SKAP1: variants seen among roughly 807,000 people sequenced by gnomAD.
SKAP1 encodes the protein src kinase associated phosphoprotein 1, also known as src kinase-associated phosphoprotein 1.
In SKAP1, 44 loss-of-function variants were observed where a neutral mutation model predicts 58.5. The ratio of observed to expected loss-of-function variants is 0.75; its 90% CI spans 0.59 to 0.97. The LOEUF (loss-of-function observed/expected upper bound fraction) is 0.97. SKAP1 is among the 50% of genes least tolerant of loss of function. The probability of loss-of-function intolerance (pLI) is 0.00; values close to 1 mark genes in which losing one functional copy is unlikely to be tolerated. For synonymous variants in SKAP1, 127 were observed against 149.7 expected, an observed-to-expected ratio of 0.85 and a Z score of 1.11; for missense variants, 390 against 435.2, an observed-to-expected ratio of 0.90 and a Z score of 0.92.
chr17:48,367,795 G>A (rs2067028930), intron 2 of SKAP1, among the ~76,000 whole-genome samples: 1 of 151,230 alleles, frequency 6.6e-6, no homozygotes, highest in South Asian at 2.1e-4. Context: ...GCACATGCTA[G>A]TCCTAGCTAC....
intron 11 of SKAP1, among the ~76,000 whole-genome samples, chr17:48,153,215 T>C (rs1290679440): frequency 6.6e-6 from 1 of 152,174 alleles, no homozygotes; most frequent in Admixed American, 6.5e-5. Context: ...GCAGGATGGG[T>C]TGATGAGCAA....
chr17:48,371,238 C>A (rs918084579), intron 2 of SKAP1, among the ~76,000 whole-genome samples: 1 of 152,036 alleles, frequency 6.6e-6, no homozygotes, highest in African/African-American at 2.4e-5. Flanking sequence ...ACACTATATA[C>A]CCTGTAACAA....
At chr17:48,370,315 TA>T (rs1267103817) in intron 2 of SKAP1, among the ~76,000 whole-genome samples, 1 of 152,152 alleles carries the variant, frequency 6.6e-6, no homozygotes, top group African/African-American at 2.4e-5. Context: ...ATTATTATTA[TA>T]TTTTTTTGAA....
At chr17:48,155,251 C>T (rs1567796289) in intron 11 of SKAP1, among the ~76,000 whole-genome samples, 1 of 151,220 alleles carries the variant, frequency 6.6e-6, no homozygotes, top group Non-Finnish European at 1.5e-5. Context: ...CCTCAGCTTC[C>T]CTAGTAGCTG....
chr17:48,238,829 T>C lies in SKAP1; in HGVS notation c.281-49329A>G, dbSNP rs897405514. Among the ~76,000 whole-genome samples, 3 of 152,318 alleles carry C rather than the reference T, an allele frequency of 2.0e-5. No individual in the cohort carries two copies. In the East Asian group the frequency reaches 5.8e-4, roughly 29 times the overall value. On this transcript the variant is annotated intron_variant, in intron 4 of 12. Coordinates refer to ENST00000336915, the MANE Select transcript of SKAP1 (RefSeq NM_003726.4). ...TCCTTGTCACACTTTATTTTTAAGA[T>C]GACTCAGAGAAACAGTGAACTGGCG...
chr17:48,136,315 G>A (rs1250834318), intron 12 of SKAP1, among the ~76,000 whole-genome samples: 1 of 151,944 alleles, frequency 6.6e-6, no homozygotes. Context: ...AGGATTATAG[G>A]TGCACACCAC....
Position 48,341,971 on chromosome 17 carries a change from C to A in SKAP1, c.280+3934G>T, listed in dbSNP as rs544271049. 4.6e-5 allele frequency among the ~76,000 whole-genome samples: 7 copies of A among 152,066 alleles called. No individual in the cohort carries two copies. In the South Asian group the frequency reaches 1.2e-3, roughly 27 times the overall value. The stretch of plus-strand genomic sequence containing the variant: ...AGAAGGAGTCACTATATCCTGCTTA[C>A]AGAATGATCACTTTCCCCAATCCAC... On this transcript the variant is annotated intron_variant, in intron 4 of 12. Transcript: ENST00000336915.
intron 4 of SKAP1, among the ~76,000 whole-genome samples, chr17:48,323,148 C>A (rs978431519): frequency 6.7e-6 from 1 of 148,588 alleles, no homozygotes; most frequent in African/African-American, 2.5e-5. Flanking sequence ...CGCTGGTAGA[C>A]AATTAGCAGA....
intron 11 of SKAP1, among the ~76,000 whole-genome samples, chr17:48,150,376 A>AT (rs1275396469): frequency 6.6e-6 from 1 of 152,248 alleles, no homozygotes; most frequent in Non-Finnish European, 1.5e-5. Flanking sequence ...ATTGTTTACC[A>AT]TTTAAAAATG....
At chr17:48,275,799 T>G (rs1278335791) in intron 4 of SKAP1, among the ~76,000 whole-genome samples, 1 of 152,244 alleles carries the variant, frequency 6.6e-6, no homozygotes, top group Non-Finnish European at 1.5e-5. Context: ...CCTCATATCT[T>G]TGAATCACTT....
intron 4 of SKAP1, among the ~76,000 whole-genome samples, chr17:48,320,285 C>T (rs1261792853): frequency 6.6e-6 from 1 of 152,070 alleles, no homozygotes; most frequent in Non-Finnish European, 1.5e-5. Flanking sequence ...TTAAAAAGCC[C>T]CTAAGTCTAT....
chr17:48,190,251 C>T (rs1017520364), intron 4 of SKAP1, among the ~76,000 whole-genome samples: 4 of 151,746 alleles, frequency 2.6e-5, no homozygotes, highest in African/African-American at 4.8e-5. Flanking sequence ...AGACTACAGG[C>T]GACCACCACC....
chr17:48,395,364 T>C (rs1398862587), intron 2 of SKAP1, among the ~76,000 whole-genome samples: 1 of 152,214 alleles, frequency 6.6e-6, no homozygotes, highest in Non-Finnish European at 1.5e-5. Flanking sequence ...TTGCATTCCT[T>C]ATCAGAGATT....
chr17:48,410,653 G>A (rs747070284), intron 1 of SKAP1, among the ~76,000 whole-genome samples: 10 of 151,956 alleles, frequency 6.6e-5, no homozygotes, highest in Admixed American at 2.0e-4. Context: ...GAGGTCGGGC[G>A]TAGTGGCTCA....
rs143427738 is a variant in SKAP1 at position 48,319,856 on chromosome 17, C to T, written c.280+26049G>A. Among the ~76,000 whole-genome samples the T allele has an allele frequency of 9.3e-4, 141 of 151,978 alleles. 1 individual carries two copies. In the East Asian group the frequency reaches 0.012, roughly 13 times the overall value. ...GACCGTGTCTCAAAAAACAAACAAACGAACAAACAAACAAATAAATGAATT... is the reference window on the plus strand; with the variant it reads ...GACCGTGTCTCAAAAAACAAACAAATGAACAAACAAACAAATAAATGAATT... On this transcript the variant is annotated intron_variant, in intron 4 of 12. Transcript: ENST00000336915.
In SKAP1 at chr17:48,396,770, A is replaced by G; in HGVS notation, c.62T>C (p.Leu21Pro). ...GTTCTCATTCCGCAAACCTTCTGCC[A>G]GAAACTCTTCAGCATCTAAAAGAAA... ...RWLLEDAEEF[L>P]AEGLRNENLS... The change falls in exon 2 of 13, where the codon CTG (leucine) becomes CCG (proline). Residue 21 changes from leucine (L) to proline (P), a missense_variant. By Grantham distance (98) the Leu-to-Pro change is moderately conservative. Coordinates refer to ENST00000336915, the MANE Select transcript of SKAP1 (RefSeq NM_003726.4). The G allele has an allele frequency of 6.2e-7, 1 of 1,613,032 alleles. No homozygotes were observed. The highest frequency in any genetic ancestry group is 8.5e-7 in the Non-Finnish European group (1 of 1,179,184).
intron 4 of SKAP1, among the ~76,000 whole-genome samples, chr17:48,279,030 A>G (rs758422876): frequency 2.0e-5 from 3 of 152,152 alleles, no homozygotes; most frequent in Non-Finnish European, 2.9e-5. Context: ...AAACACCAAT[A>G]TATTGCAAGC....
At chr17:48,269,446 G>A (rs1327887580) in intron 4 of SKAP1, among the ~76,000 whole-genome samples, 1 of 152,186 alleles carries the variant, frequency 6.6e-6, no homozygotes, top group Middle Eastern at 3.2e-3. Flanking sequence ...TAAGTGGGAA[G>A]AGCTTCAGGA....
rs113711583 is a variant in SKAP1 at position 48,384,064 on chromosome 17, G to A, written c.152+12616C>T. Reference sequence around the variant, plus strand: ...TTTAAAAAGTTTGCTCTTTCAACATGGAATGGAGGAGCAGAATAAACTGGA... The same window carrying A: ...TTTAAAAAGTTTGCTCTTTCAACATAGAATGGAGGAGCAGAATAAACTGGA... On this transcript the variant is annotated intron_variant, in intron 2 of 12. Transcript: ENST00000336915. 4.0e-3 allele frequency among the ~76,000 whole-genome samples: 607 copies of A among 152,162 alleles called. 8 individuals are homozygous for A. Among genetic ancestry groups the A allele is most frequent in the African/African-American group, 0.014 (582 of 41,508 alleles).
Sources: allele counts gnomAD v4.1 joint callset (sites outside exome capture counted in the v4.1 genomes callset), GRCh38; gene constraint gnomAD v4.1.1; transcripts MANE v1.5; gene names NCBI Gene and HGNC (gene_info 2026-07-23, HGNC 2026-07-21).